DMD: variants seen among roughly 807,000 people sequenced by gnomAD.
DMD encodes the protein dystrophin, also known as mutant dystrophin.
In DMD, 63 loss-of-function variants were observed where a neutral mutation model predicts 330.1. That is an observed-to-expected ratio of 0.19 (90% CI 0.16 to 0.24). The LOEUF is 0.24. Ranked by LOEUF, DMD falls within the 10% of genes least tolerant of loss-of-function variation. DMD has a pLI of 1.00. For missense variants in DMD, 3,344 were observed against 2,684.1 expected (o/e 1.25, Z -5.43); for synonymous variants, 1,223 against 959.8 (o/e 1.27, Z -5.07).
rs750577395 is a variant in DMD, at chrX:32,576,742, G to A, written c.1603-2896C>T. Among the ~76,000 whole-genome samples, 3 of 104,939 alleles carry A rather than the reference G, an allele frequency of 2.9e-5. No individual in the cohort carries two copies. In the East Asian group the frequency reaches 9.2e-4, roughly 32 times the overall value. 91.1% of individuals were successfully genotyped at this position (104,939 alleles called of 115,157 possible). A position where few individuals can be genotyped will look rare whatever the true frequency, so the allele number is the denominator to read the frequency against. On this transcript the variant is annotated intron_variant, in intron 13 of 78. Transcript: ENST00000357033. ...CATGGATGAGGGAGGGAGGGAGGGA[G>A]GGAGGGAGGGATTGCTGTAATTAAA...
intron 55 of DMD, among the ~76,000 whole-genome samples, chrX:31,610,281 T>C (rs767234387): frequency 1.1e-4 from 12 of 112,227 alleles, no homozygotes; most frequent in Non-Finnish European, 2.1e-4. Flanking sequence ...CAGAATAAAA[T>C]AATCTTCTTT....
At chrX:32,654,611 C>CT (rs144796914) in intron 9 of DMD, among the ~76,000 whole-genome samples, 20,872 of 109,865 alleles carry the variant, frequency 0.19, 2,438 homozygotes, top group African/African-American at 0.43. Flanking sequence ...CTAAAATTCT[C>CT]TTTTTTTTGT....
At chrX:32,109,678 T>C (rs1569543452) in intron 44 of DMD, among the ~76,000 whole-genome samples, 1 of 110,949 alleles carries the variant, frequency 9.0e-6, no homozygotes, top group Non-Finnish European at 1.9e-5. Context: ...GCTACTTCTA[T>C]TGAATTTTCC....
intron 1 of DMD, among the ~76,000 whole-genome samples, chrX:33,217,101 T>C (rs2148870462): frequency 8.9e-6 from 1 of 111,746 alleles, no homozygotes; most frequent in South Asian, 3.8e-4. Flanking sequence ...AAAATCATTA[T>C]GGATCATTTC....
chrX:31,542,435 T>A (rs985325209), intron 55 of DMD, among the ~76,000 whole-genome samples: 2 of 112,074 alleles, frequency 1.8e-5, no homozygotes, highest in Non-Finnish European at 3.8e-5. Flanking sequence ...ATCTGTGAGA[T>A]CATATGTAAA....
In DMD at chrX:32,610,883, A is replaced by G. The variant is rs764265316; in HGVS notation, c.1482+3420T>C. Among the ~76,000 whole-genome samples, 6 of 111,119 alleles carry G rather than the reference A, an allele frequency of 5.4e-5. No individual in the cohort carries two copies. The South Asian group carries it at 1.9e-3, about 35-fold the overall frequency. ...CTTTCAATGATTTACAATTCTTGGG[A>G]AAAAAAGCTGCAAAGCGATTCAACG... On this transcript the variant is annotated intron_variant, in intron 12 of 78. Coordinates refer to ENST00000357033, the MANE Select transcript of DMD (RefSeq NM_004006.3).
At chrX:33,100,984 G>A (rs569048452) in intron 1 of DMD, among the ~76,000 whole-genome samples, 1 of 111,905 alleles carries the variant, frequency 8.9e-6, no homozygotes, top group East Asian at 2.8e-4. Flanking sequence ...TGCTGGAAGA[G>A]AAAGAGAGAT....
intron 1 of DMD, among the ~76,000 whole-genome samples, chrX:33,217,524 T>G (rs982719126): frequency 6.3e-5 from 7 of 111,758 alleles, no homozygotes; most frequent in Non-Finnish European, 1.1e-4. Flanking sequence ...ATTTCATTGT[T>G]TCAGAGTGAC....
intron 2 of DMD, among the ~76,000 whole-genome samples, chrX:32,940,387 A>C (rs1304275654): frequency 8.9e-6 from 1 of 111,853 alleles, no homozygotes; most frequent in Admixed American, 9.5e-5. Context: ...TATACATCTT[A>C]AATATAGGCA....
chrX:31,968,154 G>A (rs2095367712), intron 45 of DMD, among the ~76,000 whole-genome samples, 185 bp downstream of exon 45: 1 of 111,272 alleles, frequency 9.0e-6, no homozygotes, highest in African/African-American at 3.3e-5. Flanking sequence ...CTAGCCACAA[G>A]TATATATTTT....
At chrX:32,527,843 T>TAC (rs1425533046) in intron 17 of DMD, among the ~76,000 whole-genome samples, 1 of 111,245 alleles carries the variant, frequency 9.0e-6, no homozygotes, top group South Asian at 3.8e-4. Context: ...ATAGTTTGTA[T>TAC]ACACACACAC....
At chrX:32,366,181 C>A (rs1335410479) in intron 34 of DMD, among the ~76,000 whole-genome samples, 1 of 111,793 alleles carries the variant, frequency 8.9e-6, no homozygotes, top group Non-Finnish European at 1.9e-5. Context: ...GATCTTAGTA[C>A]AAAGGTTTAC....
intron 21 of DMD, among the ~76,000 whole-genome samples, chrX:32,477,618 C>T (rs139175879): frequency 0.014 from 1,544 of 110,645 alleles, 26 homozygotes; most frequent in African/African-American, 0.048. Context: ...CAAGGGCAAA[C>T]CACTTTAACT....
intron 44 of DMD, among the ~76,000 whole-genome samples, chrX:32,089,948 A>G (rs962433970): frequency 1.8e-5 from 2 of 112,091 alleles, no homozygotes; most frequent in African/African-American, 6.5e-5. Context: ...TTAAATCCCT[A>G]TCCTTCTAGG....
chrX:33,231,088 G>T (rs2052381151), intron 1 of DMD, among the ~76,000 whole-genome samples: 3 of 111,563 alleles, frequency 2.7e-5, no homozygotes, highest in African/African-American at 9.8e-5. Context: ...ACACAAATTT[G>T]ATATTTTTAG....
At chrX:33,220,945 C>A (rs1164907808) in intron 1 of DMD, among the ~76,000 whole-genome samples, 3 of 111,148 alleles carry the variant, frequency 2.7e-5, no homozygotes, top group African/African-American at 9.8e-5. Context: ...TTAGTGATAT[C>A]AGTTGGAAAA....
chrX:32,465,742 T>C (rs779529341), intron 23 of DMD, among the ~76,000 whole-genome samples: 2 of 109,984 alleles, frequency 1.8e-5, no homozygotes, highest in South Asian at 8.0e-4. Flanking sequence ...TGCACTACCA[T>C]GCCCAGCTAA....
At chrX:32,762,411 C>A (rs905190271) in intron 7 of DMD, among the ~76,000 whole-genome samples, 1 of 111,590 alleles carries the variant, frequency 9.0e-6, no homozygotes, top group African/African-American at 3.3e-5. Flanking sequence ...CTGAAGCCAA[C>A]GGACAAAGTC....
At chrX:31,946,422 G>C (rs139104649) in intron 45 of DMD, among the ~76,000 whole-genome samples, 3,898 of 111,482 alleles carry the variant, frequency 0.035, 65 homozygotes, top group Non-Finnish European at 0.055. Context: ...TTACCTCTGG[G>C]CATTAAAATT....
Sources: allele counts gnomAD v4.1 joint callset (sites outside exome capture counted in the v4.1 genomes callset), GRCh38; gene constraint gnomAD v4.1.1; transcripts MANE v1.5; gene names NCBI Gene and HGNC (gene_info 2026-07-23, HGNC 2026-07-21).